Variants in LINGO2 observed in about 807,000 individuals in gnomAD.
LINGO2 encodes the protein leucine rich repeat and Ig domain containing 2, also known as leucine-rich repeat and immunoglobulin-like domain-containing nogo receptor-interacting protein 2.
Under a neutral mutation model 30.6 loss-of-function variants are expected in LINGO2, and 14 were observed. That is an observed-to-expected ratio of 0.46 (90% confidence interval 0.30 to 0.72). LINGO2 has a LOEUF of 0.72. LINGO2 is among the 30% of genes least tolerant of loss of function. The pLI, the probability that LINGO2 is intolerant of heterozygous loss-of-function variation, is 0.07. For synonymous variants in LINGO2, 317 were observed against 288.5 expected (o/e 1.10, Z -1.00); for missense variants, 729 against 751.7 (o/e 0.97, Z 0.35).
the LINGO2 span, among the ~76,000 whole-genome samples, chr9:29,128,487 T>G: frequency 1.3e-5 from 2 of 152,172 alleles, no homozygotes; most frequent in African/African-American, 4.8e-5. Context: ...AATCTGGAGT[T>G]TGCTGTTGAA....
intron 3 of LINGO2, among the ~76,000 whole-genome samples, chr9:28,341,369 A>G (rs1326084135): frequency 6.6e-6 from 1 of 152,126 alleles, no homozygotes; most frequent in Non-Finnish European, 1.5e-5. Flanking sequence ...ATGTTTTACT[A>G]TCAAGACTCA....
chr9:28,560,945 G>T (rs1305451198), intron 1 of LINGO2, among the ~76,000 whole-genome samples: 1 of 151,962 alleles, frequency 6.6e-6, no homozygotes, highest in East Asian at 1.9e-4. Flanking sequence ...AAAGTGCCGG[G>T]ATTACAGGTA....
At chr9:28,397,370 T>C (rs199867894) in intron 2 of LINGO2, among the ~76,000 whole-genome samples, 1 of 113,832 alleles carries the variant, frequency 8.8e-6, no homozygotes, top group African/African-American at 3.0e-5. Context: ...TATATATATA[T>C]ATACATATAT....
the LINGO2 span, among the ~76,000 whole-genome samples, chr9:29,082,043 A>G: frequency 5.9e-5 from 9 of 152,114 alleles, no homozygotes; most frequent in Non-Finnish European, 8.8e-5. Flanking sequence ...CCATCAAGCT[A>G]CCAATGACTT....
At chr9:28,187,278 G>A (rs1428527505) in intron 4 of LINGO2, among the ~76,000 whole-genome samples, 1 of 151,974 alleles carries the variant, frequency 6.6e-6, no homozygotes, top group Non-Finnish European at 1.5e-5. Flanking sequence ...ATCACTTGAG[G>A]TCAGGAGTTC....
At chr9:28,624,235 A>G (rs952462363) in intron 1 of LINGO2, among the ~76,000 whole-genome samples, 3 of 152,030 alleles carry the variant, frequency 2.0e-5, no homozygotes, top group African/African-American at 7.2e-5. Context: ...TGAAATGGGT[A>G]TCCTTGTTGT....
intron 4 of LINGO2, among the ~76,000 whole-genome samples, chr9:28,146,439 T>A (rs1827814495): frequency 6.6e-6 from 1 of 152,152 alleles, no homozygotes; most frequent in Admixed American, 6.5e-5. Flanking sequence ...AAATATTGAT[T>A]GTGGTTTGGT....
chr9:29,086,887 A>G, the LINGO2 span, among the ~76,000 whole-genome samples: 862 of 147,418 alleles, frequency 5.8e-3, 8 homozygotes, highest in African/African-American at 0.021. Flanking sequence ...AATTAAGAGC[A>G]GTGATTTTTT....
At chr9:28,292,057 A>G (rs1481811885) in intron 4 of LINGO2, among the ~76,000 whole-genome samples, 1 of 152,212 alleles carries the variant, frequency 6.6e-6, no homozygotes, top group African/African-American at 2.4e-5. Context: ...CTAGAATTTC[A>G]TAACTAGTAA....
chr9:28,259,610 A>AAG (rs1167379228), intron 4 of LINGO2, among the ~76,000 whole-genome samples: 1 of 151,652 alleles, frequency 6.6e-6, no homozygotes, highest in Non-Finnish European at 1.5e-5. Flanking sequence ...GAGAATGAGC[A>AAG]AGAGAGAGAG....
the LINGO2 span, among the ~76,000 whole-genome samples, chr9:28,826,186 A>G: frequency 6.6e-6 from 1 of 152,298 alleles, no homozygotes; most frequent in African/African-American, 2.4e-5. Flanking sequence ...AAACCAGTGT[A>G]TATAATCTCT....
chr9:28,656,888 C>T (rs945834118), intron 1 of LINGO2, among the ~76,000 whole-genome samples: 10 of 152,012 alleles, frequency 6.6e-5, no homozygotes, highest in East Asian at 1.9e-4. Flanking sequence ...TTCACCCTTG[C>T]TCTCTCTCCT....
chr9:28,754,699 C>T, the LINGO2 span, among the ~76,000 whole-genome samples: 1 of 150,942 alleles, frequency 6.6e-6, no homozygotes, highest in Non-Finnish European at 1.5e-5. Flanking sequence ...AATGTGATCT[C>T]AGCTCCCTGC....
chr9:28,591,308 T>G (rs1295296553), intron 1 of LINGO2, among the ~76,000 whole-genome samples: 1 of 151,926 alleles, frequency 6.6e-6, no homozygotes, highest in Non-Finnish European at 1.5e-5. Flanking sequence ...TAAAGTATAA[T>G]AAAAATATAT....
chr9:28,395,264 C>T (rs1055962650), intron 2 of LINGO2, among the ~76,000 whole-genome samples: 4 of 151,624 alleles, frequency 2.6e-5, no homozygotes, highest in East Asian at 1.9e-4. Context: ...TTATAAGAAA[C>T]GAAGGAGATA....
chr9:28,492,608 C>T (rs527945642), intron 1 of LINGO2, among the ~76,000 whole-genome samples: 18 of 152,220 alleles, frequency 1.2e-4, no homozygotes, highest in African/African-American at 4.3e-4. Flanking sequence ...TTCTACTAAA[C>T]TCCTGAAATA....
At chr9:27,974,554 CACCATGACTGTGTTCATT>C (rs1158621794) in intron 5 of LINGO2, among the ~76,000 whole-genome samples, 1 of 152,060 alleles carries the variant, frequency 6.6e-6, no homozygotes, top group Non-Finnish European at 1.5e-5. Context: ...CAATGCTAGT[CACCATGACTGTGTTCATT>C]ACCACCCGGT....
At chr9:29,046,176 G>C in the LINGO2 span, among the ~76,000 whole-genome samples, 1 of 152,144 alleles carries the variant, frequency 6.6e-6, no homozygotes, top group African/African-American at 2.4e-5. Context: ...AGGTTGAATA[G>C]AAGTGGTGAG....
At chr9:28,946,475 C>G in the LINGO2 span, among the ~76,000 whole-genome samples, 1 of 152,022 alleles carries the variant, frequency 6.6e-6, no homozygotes, top group African/African-American at 2.4e-5. Flanking sequence ...TGGAAATAAT[C>G]AAAAATAGCT....
Sources: gnomAD v4.1 joint callset for allele counts (sites outside exome capture counted in the v4.1 genomes callset) on GRCh38, gnomAD v4.1.1 for gene constraint, MANE v1.5 for transcripts, NCBI Gene and HGNC (gene_info 2026-07-23, HGNC 2026-07-21) for gene names.